The following MALT1 variants were observed in gnomAD, a reference collection of about 807,000 sequenced individuals.
MALT1 encodes the protein MALT1 paracaspase.
In MALT1, 36 loss-of-function variants were observed where a neutral mutation model predicts 85.5. That is an observed-to-expected ratio of 0.42 (90% CI 0.32 to 0.56). The LOEUF (loss-of-function observed/expected upper bound fraction) is 0.56, where lower values mean the gene tolerates loss of function less well. Among genes scored for constraint, MALT1 ranks in the 20% least tolerant of loss-of-function variants. MALT1 has a pLI of 0.10. For missense variants in MALT1, 716 were observed against 981.6 expected (o/e 0.73, Z 3.62); for synonymous variants, 359 against 361.3 (o/e 0.99, Z 0.07).
intron 1 of MALT1, among the ~76,000 whole-genome samples, chr18:58,680,955 A>G (rs1051030768): frequency 7.6e-6 from 1 of 131,972 alleles, no homozygotes; most frequent in Admixed American, 7.7e-5. Flanking sequence ...AAAAAAAAAA[A>G]TAATCATGGG....
At position 58,692,451 on chromosome 18, in the gene MALT1, T is replaced by TCTCTCTCTCTCTCC. The variant is rs2054524779; in HGVS notation, c.377-3914_377-3913insTCTCTCTCTCTCCC. 4.5e-5 allele frequency among the ~76,000 whole-genome samples: 5 copies of TCTCTCTCTCTCTCC among 112,020 alleles called. No individual in the cohort carries two copies. The East Asian group carries it at 1.1e-3, about 25-fold the overall frequency. The allele number at this position is 112,020 out of a possible 152,430, so 73.5% of individuals were successfully genotyped here. On this transcript the variant is annotated intron_variant, in intron 2 of 16. Transcript: ENST00000649217. ...CTCTCTCTCTCACTCTCTCCCTCCC[T>TCTCTCTCTCTCTCC]CCCTCCCTCCCTCCCTGTCCCTCTT...
chr18:58,741,569 C>G, intron 13 of MALT1: 1 of 189,628 alleles, frequency 5.3e-6, no homozygotes, highest in Non-Finnish European at 1.1e-5. Flanking sequence ...ATACATTAGT[C>G]TATCTAAAAC....
At chr18:58,687,777 C>G (rs1486309781) in intron 2 of MALT1, among the ~76,000 whole-genome samples, 1 of 152,072 alleles carries the variant, frequency 6.6e-6, no homozygotes, top group Admixed American at 6.5e-5. Flanking sequence ...AAAAATTATC[C>G]TAATTTATCT....
At chr18:58,681,030 C>G (rs1848046586) in intron 1 of MALT1, 140 bp from the exon 2 acceptor site, 9 of 557,472 alleles carry the variant, frequency 1.6e-5, no homozygotes, top group Non-Finnish European at 1.9e-5. Flanking sequence ...AGGATACTCG[C>G]ATTCATTATG....
rs1199427756 is a variant in MALT1 at position 58,752,264 on chromosome 18, T to G, written c.*4422T>G. 1.3e-5 allele frequency: 2 copies of G among 152,210 alleles called. No individual in the cohort carries two copies. The highest frequency in any genetic ancestry group is 2.9e-5 in the Non-Finnish European group (2 of 68,030). The allele number at this position is 152,210 out of a possible 1,614,324, so 9.4% of individuals were successfully genotyped here. On this transcript the variant is annotated 3_prime_UTR_variant, in exon 17 of 17. Coordinates refer to ENST00000649217, the MANE Select transcript of MALT1 (RefSeq NM_006785.4). ...TCCTCCTGCCTCAGCAGCATCAGTT[T>G]AATATCTAGATAAAATCTGATGTAT...
At chr18:58,725,102 C>G (rs1459731810) in intron 10 of MALT1, among the ~76,000 whole-genome samples, 1 of 151,412 alleles carries the variant, frequency 6.6e-6, no homozygotes, top group South Asian at 2.1e-4. Flanking sequence ...TGCACTTCAG[C>G]CTGGGTGACA....
At chr18:58,727,630 T>G (rs2055081251) in intron 10 of MALT1, among the ~76,000 whole-genome samples, 1 of 91,284 alleles carries the variant, frequency 1.1e-5, no homozygotes, top group African/African-American at 2.8e-5. Context: ...TTTTTTTTGT[T>G]TTTTTTTTTT....
chr18:58,696,601 C>A, intron 3 of MALT1, 114 bp downstream of exon 3: 1 of 824,462 alleles, frequency 1.2e-6, no homozygotes, highest in Non-Finnish European at 1.8e-6. Context: ...GTCTGATAGA[C>A]ATTGCTAGGT....
At chr18:58,708,934 C>G (rs193195189) in intron 4 of MALT1, among the ~76,000 whole-genome samples, 27 of 152,294 alleles carry the variant, frequency 1.8e-4, no homozygotes, top group African/African-American at 6.5e-4. Context: ...AATATTTATT[C>G]AGTGCGGGTT....
chr18:58,685,211 C>T (rs1334243783), intron 2 of MALT1, among the ~76,000 whole-genome samples: 1 of 152,176 alleles, frequency 6.6e-6, no homozygotes, highest in Non-Finnish European at 1.5e-5. Flanking sequence ...GACATTACTT[C>T]TTATTCCACA....
intron 13 of MALT1, among the ~76,000 whole-genome samples, chr18:58,738,497 T>C (rs2055255886): frequency 6.6e-6 from 1 of 152,184 alleles, no homozygotes; most frequent in Admixed American, 6.5e-5. Flanking sequence ...TTCTTTGCAG[T>C]ATAATTCTAC....
At chr18:58,689,689 GAGGGTACCTAATTT>G (rs1353244591) in intron 2 of MALT1, among the ~76,000 whole-genome samples, 1 of 152,154 alleles carries the variant, frequency 6.6e-6, no homozygotes, top group African/African-American at 2.4e-5. Context: ...TGGGGGGTGG[GAGGGTACCTAATTT>G]AGAGACATTT....
At chr18:58,674,205 T>TGCTGGAAACCCA (rs2054207725) in intron 1 of MALT1, 1 of 152,256 alleles carries the variant, frequency 6.6e-6, no homozygotes, top group African/African-American at 2.4e-5. Context: ...AAGCAGCGGA[T>TGCTGGAAACCCA]ACTTGATGTT....
In MALT1 at chr18:58,750,305, G is replaced by A. The variant is rs2055429916; in HGVS notation, c.*2463G>A. ...ATCCATGTTCATGGATTGGAAGACT[G>A]AATATTGGTAAGATGGCAATGCTGC... On this transcript the variant is annotated 3_prime_UTR_variant, in exon 17 of 17. Transcript: ENST00000649217. 1.3e-5 allele frequency: 2 copies of A among 159,380 alleles called. No individual in the cohort carries two copies. The highest frequency in any genetic ancestry group is 3.1e-4 in the East Asian group (2 of 6,464). The allele number at this position is 159,380 out of a possible 1,614,324, so 9.9% of individuals were successfully genotyped here. A position where few individuals can be genotyped will look rare whatever the true frequency, so the allele number is the denominator to read the frequency against.
intron 4 of MALT1, among the ~76,000 whole-genome samples, chr18:58,706,447 G>A (rs1264761412): frequency 3.3e-5 from 5 of 152,090 alleles, no homozygotes; most frequent in African/African-American, 7.2e-5. Flanking sequence ...GAGCCACCGC[G>A]CCCAGCCCAC....
At chr18:58,691,475 G>T in intron 2 of MALT1, 1 of 269,220 alleles carries the variant, frequency 3.7e-6, no homozygotes, top group African/African-American at 2.3e-5. Flanking sequence ...TGTTACAGTA[G>T]AACACCACAG....
At chr18:58,697,360 G>T (rs1303323751) in intron 3 of MALT1, 1 of 152,002 alleles carries the variant, frequency 6.6e-6, no homozygotes, top group African/African-American at 2.4e-5. Flanking sequence ...TTTTGTTTCC[G>T]TCTGTTACAC....
At position 58,723,112 on chromosome 18, in the gene MALT1, T is replaced by A; in HGVS notation, c.1083T>A (p.Ala361=). The change falls in exon 10 of 17, where the codon GCT becomes GCA. Residue 361 remains alanine (A), a synonymous_variant. Coordinates refer to ENST00000649217, the MANE Select transcript of MALT1 (RefSeq NM_006785.4). ...MNYREHPKLK[A]PLVDVYELTN... ...ACCGGGAGCACCCCAAGCTCAAAGC[T>A]CCTTTGGTGGATGTGTACGAATTGA... The A allele has an allele frequency of 6.2e-7, 1 of 1,614,052 alleles. No homozygotes were observed. The highest frequency in any genetic ancestry group is 8.5e-7 in the Non-Finnish European group (1 of 1,179,970).
chr18:58,700,340 C>T (rs2054653740), intron 3 of MALT1, 101 bp from the exon 4 acceptor site: 4 of 867,876 alleles, frequency 4.6e-6, no homozygotes, highest in African/African-American at 1.8e-5. Flanking sequence ...AAAAATGTTG[C>T]ACTTTCAAAG....
Sources: gnomAD v4.1 joint callset for allele counts (sites outside exome capture counted in the v4.1 genomes callset) on GRCh38, gnomAD v4.1.1 for gene constraint, MANE v1.5 for transcripts, NCBI Gene and HGNC (gene_info 2026-07-23, HGNC 2026-07-21) for gene names.